SLC12A1: variants seen among roughly 807,000 people sequenced by gnomAD.
SLC12A1 encodes the protein Na-K-2Cl cotransporter.
In SLC12A1, 89 loss-of-function variants were observed where a neutral mutation model predicts 130.4. That is an observed-to-expected ratio of 0.68 (90% CI 0.58 to 0.81). The LOEUF is 0.81. SLC12A1 is among the 40% of genes least tolerant of loss of function. The pLI is 0.00. For synonymous variants in SLC12A1, 499 were observed against 460.0 expected (o/e 1.08, Z -1.09); for missense variants, 1,310 against 1,336.4 (o/e 0.98, Z 0.31).
chr15:48,270,694 T>C (rs977182030), intron 19 of SLC12A1, among the ~76,000 whole-genome samples: 1 of 52,452 alleles, frequency 1.9e-5, no homozygotes, highest in African/African-American at 7.5e-5. Flanking sequence ...TTTATATATA[T>C]ACACATACAC....
chr15:48,295,352 G>A (rs2042166618), intron 24 of SLC12A1, among the ~76,000 whole-genome samples: 1 of 152,010 alleles, frequency 6.6e-6, no homozygotes, highest in African/African-American at 2.4e-5. Context: ...CCAAGTCCTT[G>A]TTTCCTTCCC....
rs562111992 is a variant in SLC12A1 at position 48,257,311 on chromosome 15, C to T, written c.2042+1401C>T. Among the ~76,000 whole-genome samples, 21 of 152,268 alleles carry T rather than the reference C, an allele frequency of 1.4e-4. No individual in the cohort carries two copies. The East Asian group carries it at 2.9e-3, about 21-fold the overall frequency. On this transcript the variant is annotated intron_variant, in intron 16 of 26. Coordinates refer to ENST00000380993, the MANE Select transcript of SLC12A1 (RefSeq NM_000338.3). Reference sequence around the variant, plus strand: ...TTTCCAGGTGCACAGTGCAAACTGTCGGTGGATCTACCATTCTGGGGTCTA... The same window carrying T: ...TTTCCAGGTGCACAGTGCAAACTGTTGGTGGATCTACCATTCTGGGGTCTA...
Position 48,220,748 on chromosome 15 carries a change from T to A in SLC12A1, c.535T>A (p.Trp179Arg), listed in dbSNP as rs2041201858. ...TCAAGCTGGTGTTGTGAAGTTTGGA[T>A]GGGTGAAAGGTGTGCTGGTGAGAAA... The part of the protein sequence containing the change: ...DDQAGVVKFG[W>R]VKGVLVRCML... The change falls in exon 3 of 27, where the codon TGG becomes AGG. Residue 179 changes from tryptophan to arginine, a missense_variant. Coordinates refer to ENST00000380993, the MANE Select transcript of SLC12A1 (RefSeq NM_000338.3). 7 of 1,613,944 alleles carry A rather than the reference T, an allele frequency of 4.3e-6. No homozygotes were observed. The highest frequency in any genetic ancestry group is 5.1e-6 in the Non-Finnish European group (6 of 1,179,878).
At chr15:48,228,659 C>T (rs751369579) in intron 5 of SLC12A1, 11 of 237,164 alleles carry the variant, frequency 4.6e-5, no homozygotes, top group African/African-American at 2.5e-4. Flanking sequence ...ATGGATAATA[C>T]AGATATCTTA....
chr15:48,298,676 C>A (rs1249925197), intron 24 of SLC12A1, among the ~76,000 whole-genome samples: 12 of 152,188 alleles, frequency 7.9e-5, no homozygotes, highest in Admixed American at 6.5e-5. Context: ...GCCATGTGGA[C>A]TAAGGGTGAG....
Position 48,303,048 on chromosome 15 carries a change from T to C in SLC12A1, c.*163T>C. 2.0e-6 allele frequency: 1 copy of C among 493,430 alleles called. No individual in the cohort carries two copies. Among genetic ancestry groups the C allele is most frequent in the Non-Finnish European group, 3.4e-6 (1 of 295,306 alleles). The allele number at this position is 493,430 out of a possible 1,614,324, so 30.6% of individuals were successfully genotyped here. ...ATAATTTTTATCAGTTAATGCGAGC[T>C]TTTTTTTCTCTTCTCAGCTTAAGGG... On this transcript the variant is annotated 3_prime_UTR_variant, in exon 27 of 27. Coordinates refer to ENST00000380993, the MANE Select transcript of SLC12A1 (RefSeq NM_000338.3).
intron 9 of SLC12A1, 52 bp downstream of exon 9, chr15:48,235,056 G>C (rs2041424957): frequency 6.3e-7 from 1 of 1,577,336 alleles, no homozygotes; most frequent in South Asian, 1.1e-5. Flanking sequence ...ACACTTGGTG[G>C]GTAGCACAAG....
chr15:48,221,836 A>G (rs890662636), intron 4 of SLC12A1, among the ~76,000 whole-genome samples: 2 of 152,224 alleles, frequency 1.3e-5, no homozygotes, highest in African/African-American at 4.8e-5. Flanking sequence ...TCTCAGGAAT[A>G]TGGAAGTTCT....
chr15:48,261,332 A>G (rs1400655680), intron 17 of SLC12A1, among the ~76,000 whole-genome samples: 1 of 152,236 alleles, frequency 6.6e-6, no homozygotes, highest in Non-Finnish European at 1.5e-5. Context: ...CTTTAACTAT[A>G]ATACAGGAGG....
chr15:48,302,105 A>C (rs2042238991), intron 26 of SLC12A1, among the ~76,000 whole-genome samples: 1 of 152,174 alleles, frequency 6.6e-6, no homozygotes, highest in South Asian at 2.1e-4. Context: ...CAAATATAAG[A>C]TATTTAAATT....
At chr15:48,239,236 G>A (rs961517608) in intron 9 of SLC12A1, among the ~76,000 whole-genome samples, 2 of 152,110 alleles carry the variant, frequency 1.3e-5, no homozygotes, top group Admixed American at 1.3e-4. Context: ...TCATGGCTGG[G>A]CATGGTGGCT....
At chr15:48,247,955 T>C (rs2041602232) in intron 13 of SLC12A1, among the ~76,000 whole-genome samples, 1 of 152,212 alleles carries the variant, frequency 6.6e-6, no homozygotes, top group African/African-American at 2.4e-5. Context: ...ACTCAAGAGA[T>C]TCGTAGACCA....
chr15:48,262,465 G>A (rs757024990), intron 17 of SLC12A1, among the ~76,000 whole-genome samples: 12 of 151,894 alleles, frequency 7.9e-5, no homozygotes, highest in Non-Finnish European at 1.6e-4. Context: ...AATTAAGAGA[G>A]CTGTACTCTT....
Position 48,302,759 on chromosome 15 carries a change from C to T in SLC12A1, c.3174C>T (p.Pro1058=), listed in dbSNP as rs759227833. Residue 1058 remains proline (P), a synonymous_variant, in exon 27 of 27, where the codon CCC becomes CCT. Transcript: ENST00000380993. ...RAANLIVLSL[P]VARKGSISDL... Reference sequence around the variant, plus strand: ...TCCTTCATGTCATTAGGAGCCTTCCCGTGGCAAGAAAGGGATCCATATCGG... The same window carrying T: ...TCCTTCATGTCATTAGGAGCCTTCCTGTGGCAAGAAAGGGATCCATATCGG... 8.1e-6 allele frequency: 13 copies of T among 1,605,384 alleles called. No individual in the cohort carries two copies. The highest frequency in any genetic ancestry group is 5.4e-5 in the African/African-American group (4 of 74,630).
chr15:48,267,797 C>A, intron 18 of SLC12A1, 96 bp downstream of exon 18: 2 of 1,344,916 alleles, frequency 1.5e-6, no homozygotes, highest in South Asian at 1.3e-5. Flanking sequence ...GTTAGGCAGC[C>A]AAGCATCAGA....
chr15:48,229,230 T>G lies in SLC12A1; in HGVS notation c.766T>G (p.Phe256Val). ...YLISRSLGPEFGGSIGLIFAF... is the reference protein window; with the variant it reads ...YLISRSLGPEVGGSIGLIFAF... ...TATTTCCAGAAGTTTAGGGCCCGAG[T>G]TCGGTGGGTCAATAGGCCTGATCTT... Residue 256 changes from phenylalanine (F) to valine (V), a missense_variant, in exon 6 of 27, where the codon TTC becomes GTC. Phe to Val is a conservative substitution (Grantham distance 50, BLOSUM62 -1). Coordinates refer to ENST00000380993, the MANE Select transcript of SLC12A1 (RefSeq NM_000338.3). 6.3e-7 allele frequency: 1 copy of G among 1,593,636 alleles called. No homozygotes were observed. The highest frequency in any genetic ancestry group is 8.6e-7 in the Non-Finnish European group (1 of 1,169,306).
chr15:48,290,331 C>A (rs1331882201), intron 23 of SLC12A1, among the ~76,000 whole-genome samples: 1 of 152,094 alleles, frequency 6.6e-6, no homozygotes, highest in African/African-American at 2.4e-5. Flanking sequence ...GGAATACCTC[C>A]TAAAGGACCT....
intron 21 of SLC12A1, 26 bp from the exon 22 acceptor site, chr15:48,288,017 A>T (rs1422162208): frequency 6.2e-7 from 1 of 1,600,698 alleles, no homozygotes; most frequent in African/African-American, 1.3e-5. Context: ...AAGCAAACAG[A>T]TGCATCAATT....
At chr15:48,238,761 C>T (rs1425313273) in intron 9 of SLC12A1, among the ~76,000 whole-genome samples, 5 of 152,122 alleles carry the variant, frequency 3.3e-5, no homozygotes, top group East Asian at 3.9e-4. Flanking sequence ...TCCTGATCTC[C>T]GCTCACAGCC....
Sources: gnomAD v4.1 joint callset for allele counts (sites outside exome capture counted in the v4.1 genomes callset) on GRCh38, gnomAD v4.1.1 for gene constraint, MANE v1.5 for transcripts, NCBI Gene and HGNC (gene_info 2026-07-23, HGNC 2026-07-21) for gene names.